GABRB3: variants seen among roughly 807,000 people sequenced by gnomAD.
GABRB3 encodes the protein gamma-aminobutyric acid type A receptor subunit beta3.
GABRB3 carries 14 observed loss-of-function variants against 52.1 expected under a neutral mutation model. The observed-to-expected ratio is 0.27, with a 90% CI of 0.18 to 0.42. The LOEUF is 0.42. GABRB3 is among the 10% of genes least tolerant of loss of function. The pLI, the probability that GABRB3 is intolerant of heterozygous loss-of-function variation, is 1.00. For synonymous variants in GABRB3, 260 were observed against 232.3 expected, an observed-to-expected ratio of 1.12 and a Z score of -1.08; for missense variants, 307 against 609.1, an observed-to-expected ratio of 0.50 and a Z score of 5.22.
intron 3 of GABRB3, among the ~76,000 whole-genome samples, chr15:26,758,102 C>T (rs777533534): frequency 6.6e-6 from 1 of 151,268 alleles, no homozygotes. Context: ...AAAAAAAAAC[C>T]GTAGAGGTGC....
intron 3 of GABRB3, among the ~76,000 whole-genome samples, chr15:26,720,534 G>T (rs1032420108): frequency 6.6e-6 from 1 of 152,126 alleles, no homozygotes; most frequent in African/African-American, 2.4e-5. Context: ...GACCCAGACG[G>T]TCAGGTTTTT....
chr15:26,760,616 C>T (rs1040760212), intron 3 of GABRB3, among the ~76,000 whole-genome samples: 3 of 151,944 alleles, frequency 2.0e-5, no homozygotes, highest in Admixed American at 6.6e-5. Flanking sequence ...CAAACTTTAT[C>T]TTTATTTTAT....
At chr15:26,714,766 A>G (rs895610375) in intron 3 of GABRB3, among the ~76,000 whole-genome samples, 2 of 152,122 alleles carry the variant, frequency 1.3e-5, no homozygotes, top group Admixed American at 6.5e-5. Flanking sequence ...TTCCTTTCAC[A>G]CTATCTATTA....
intron 3 of GABRB3, among the ~76,000 whole-genome samples, chr15:26,758,602 T>G (rs559061821): frequency 2.0e-5 from 3 of 152,128 alleles, no homozygotes; most frequent in Admixed American, 2.0e-4. Context: ...ATTGACCTTT[T>G]CTTCTTAATC....
intron 4 of GABRB3, among the ~76,000 whole-genome samples, chr15:26,603,651 C>T (rs541398591): frequency 6.4e-4 from 98 of 152,020 alleles, no homozygotes; most frequent in Non-Finnish European, 1.3e-3. Context: ...CACACTGTGT[C>T]AACAGAATGA....
chr15:26,721,086 G>A (rs1332781510), intron 3 of GABRB3, among the ~76,000 whole-genome samples: 1 of 152,102 alleles, frequency 6.6e-6, no homozygotes, highest in Non-Finnish European at 1.5e-5. Flanking sequence ...CTCTCCCTGA[G>A]GGGACCTGAA....
intron 6 of GABRB3, among the ~76,000 whole-genome samples, chr15:26,567,970 C>A (rs117102571): frequency 2.0e-5 from 3 of 152,196 alleles, no homozygotes; most frequent in Non-Finnish European, 4.4e-5. Context: ...GCTAAACGCT[C>A]GGTTGAGAAC....
At chr15:26,591,224 A>G (rs955921718) in intron 4 of GABRB3, among the ~76,000 whole-genome samples, 1 of 152,156 alleles carries the variant, frequency 6.6e-6, no homozygotes, top group African/African-American at 2.4e-5. Context: ...TGATTGTTAC[A>G]CAGCACTCTT....
chr15:26,559,665 C>T (rs1406459822), intron 8 of GABRB3, among the ~76,000 whole-genome samples: 1 of 152,184 alleles, frequency 6.6e-6, no homozygotes, highest in Non-Finnish European at 1.5e-5. Context: ...CAATAACATA[C>T]TGCTTTTATA....
chr15:26,715,936 C>T (rs190106524), intron 3 of GABRB3, among the ~76,000 whole-genome samples: 1 of 152,244 alleles, frequency 6.6e-6, no homozygotes, highest in Non-Finnish European at 1.5e-5. Flanking sequence ...ATCTTCCAGA[C>T]ACAAAAAGCA....
chr15:26,656,727 G>T (rs912074130), intron 3 of GABRB3, among the ~76,000 whole-genome samples: 1 of 152,176 alleles, frequency 6.6e-6, no homozygotes, highest in African/African-American at 2.4e-5. Flanking sequence ...ATCTGAGGTG[G>T]AATAGTTTCA....
At chr15:26,733,089 A>G (rs561619815) in intron 3 of GABRB3, among the ~76,000 whole-genome samples, 9 of 152,302 alleles carry the variant, frequency 5.9e-5, no homozygotes, top group Admixed American at 2.0e-4. Flanking sequence ...AAGATCAGGA[A>G]CGAGGCAAGA....
At chr15:26,554,214 A>C (rs1400334658) in intron 8 of GABRB3, among the ~76,000 whole-genome samples, 1 of 50,548 alleles carries the variant, frequency 2.0e-5, no homozygotes, top group Non-Finnish European at 5.4e-5. Context: ...TATATAGTAG[A>C]AACAAGGTCT....
intron 8 of GABRB3, among the ~76,000 whole-genome samples, chr15:26,554,941 A>G (rs1292538617): frequency 2.6e-5 from 4 of 152,138 alleles, no homozygotes; most frequent in Admixed American, 1.3e-4. Context: ...GCACTTTGGG[A>G]GGCTGAGGCG....
At chr15:26,744,028 T>G (rs1025662480) in intron 3 of GABRB3, among the ~76,000 whole-genome samples, 1 of 152,190 alleles carries the variant, frequency 6.6e-6, no homozygotes, top group South Asian at 2.1e-4. Flanking sequence ...CAAAGTCTTA[T>G]GTACTTAATT....
intron 3 of GABRB3, among the ~76,000 whole-genome samples, chr15:26,671,289 T>C (rs1364231217): frequency 1.3e-5 from 2 of 152,230 alleles, no homozygotes; most frequent in Non-Finnish European, 1.5e-5. Context: ...CTAAGTGATT[T>C]GAAATAAACA....
At chr15:26,588,156 T>C (rs957917695) in intron 4 of GABRB3, among the ~76,000 whole-genome samples, 4 of 152,168 alleles carry the variant, frequency 2.6e-5, no homozygotes, top group African/African-American at 9.7e-5. Context: ...TTTACAGTCA[T>C]ACTTTGAGAA....
At chr15:26,559,868 C>G (rs1296529644) in intron 8 of GABRB3, among the ~76,000 whole-genome samples, 1 of 152,080 alleles carries the variant, frequency 6.6e-6, no homozygotes, top group East Asian at 1.9e-4. Flanking sequence ...AGGGCCACGG[C>G]AGATCTATGA....
At chr15:26,610,590 G>C (rs1458707089) in intron 4 of GABRB3, among the ~76,000 whole-genome samples, 1 of 152,082 alleles carries the variant, frequency 6.6e-6, no homozygotes, top group Non-Finnish European at 1.5e-5. Flanking sequence ...GGCTCTCTAT[G>C]GACCTCATTT....
Sources: gnomAD v4.1 joint callset for allele counts (sites outside exome capture counted in the v4.1 genomes callset) on GRCh38, gnomAD v4.1.1 for gene constraint, MANE v1.5 for transcripts, NCBI Gene and HGNC (gene_info 2026-07-23, HGNC 2026-07-21) for gene names.